Variants in RANBP17 observed in about 807,000 individuals in gnomAD.
RANBP17 encodes the protein RAN binding protein 17, also known as ran-binding protein 17.
A neutral mutation model predicts 141.2 loss-of-function variants in RANBP17; 158 were observed. That is an observed-to-expected ratio of 1.12 (90% CI 0.98 to 1.28). The LOEUF (loss-of-function observed/expected upper bound fraction) is 1.28, where lower values mean the gene tolerates loss of function less well. RANBP17 is among the 50% of genes most tolerant of loss of function. The pLI, the probability that RANBP17 is intolerant of heterozygous loss-of-function variation, is 0.00. For synonymous variants in RANBP17, 430 were observed against 450.0 expected (o/e 0.96, Z 0.56); for missense variants, 1,438 against 1,290.7 (o/e 1.11, Z -1.75).
intron 25 of RANBP17, among the ~76,000 whole-genome samples, chr5:171,281,620 CAGTG>C (rs1488310854): frequency 2.0e-5 from 3 of 152,176 alleles, no homozygotes; most frequent in Admixed American, 6.5e-5. Flanking sequence ...ATTCCTTGAG[CAGTG>C]AGTAAGTGTG....
intron 25 of RANBP17, among the ~76,000 whole-genome samples, chr5:171,280,911 A>G (rs1234398084): frequency 6.6e-6 from 1 of 152,238 alleles, no homozygotes; most frequent in East Asian, 1.9e-4. Flanking sequence ...ATCAGGGCAG[A>G]CAGGTTTTAC....
intron 14 of RANBP17, among the ~76,000 whole-genome samples, chr5:171,107,923 C>A (rs1000730011): frequency 6.6e-6 from 1 of 152,166 alleles, no homozygotes; most frequent in Admixed American, 6.5e-5. Context: ...CGTACATCTT[C>A]ATTAGGAAGG....
intron 14 of RANBP17, among the ~76,000 whole-genome samples, chr5:171,089,306 G>C (rs10073817): frequency 9.2e-6 from 1 of 108,358 alleles, no homozygotes; most frequent in Non-Finnish European, 2.1e-5. Context: ...TGAGGAGGCA[G>C]TCTGCCCGTT....
chr5:170,883,699 A>G (rs1418542268), intron 3 of RANBP17, among the ~76,000 whole-genome samples: 7 of 152,194 alleles, frequency 4.6e-5, no homozygotes, highest in African/African-American at 1.4e-4. Context: ...TGAGGTATCA[A>G]TCATACATGT....
intron 14 of RANBP17, among the ~76,000 whole-genome samples, chr5:171,002,876 G>T (rs1294495107): frequency 7.2e-5 from 11 of 152,154 alleles, no homozygotes; most frequent in Admixed American, 7.2e-4. Context: ...TGTGGTTTCG[G>T]GAATAATGTG....
intron 14 of RANBP17, among the ~76,000 whole-genome samples, chr5:171,036,038 G>A (rs540750050): frequency 9.2e-5 from 14 of 152,166 alleles, no homozygotes; most frequent in African/African-American, 3.4e-4. Context: ...GACTGTAGGT[G>A]TGTTCTTCCA....
rs572141155 is a variant in RANBP17, at chr5:170,862,058, G to A, written c.18+7G>A. 948 of 1,460,512 alleles carry A rather than the reference G, an allele frequency of 6.5e-4. 23 individuals are homozygous for A. The Admixed American group carries it at 0.021, about 32-fold the overall frequency. 90.5% of individuals were successfully genotyped at this position (1,460,512 alleles called of 1,614,324 possible). On this transcript the variant is annotated splice_region_variant and intron_variant, in intron 1 of 27. Transcript: ENST00000523189. Reference sequence around the variant, plus strand: ...GATGGCGCTGCACTTCCAGGTCAGTGTGCTCTGCGCCGCGGGCCCGCGCTC... The same window carrying A: ...GATGGCGCTGCACTTCCAGGTCAGTATGCTCTGCGCCGCGGGCCCGCGCTC...
intron 14 of RANBP17, among the ~76,000 whole-genome samples, chr5:171,118,150 T>A (rs1755775983): frequency 6.6e-6 from 1 of 152,198 alleles, no homozygotes; most frequent in Non-Finnish European, 1.5e-5. Flanking sequence ...CTTTGATCTA[T>A]TTTGAGTTGA....
At chr5:170,970,973 A>C (rs1393023753) in intron 14 of RANBP17, among the ~76,000 whole-genome samples, 1 of 152,156 alleles carries the variant, frequency 6.6e-6, no homozygotes, top group Admixed American at 6.5e-5. Flanking sequence ...GTATGCTTTC[A>C]ACTTACTGTT....
At chr5:171,147,159 C>G (rs1758077806) in intron 14 of RANBP17, among the ~76,000 whole-genome samples, 1 of 151,784 alleles carries the variant, frequency 6.6e-6, no homozygotes, top group South Asian at 2.1e-4. Flanking sequence ...CAAGACAGCC[C>G]CACAACAAAG....
chr5:170,968,448 A>T, intron 14 of RANBP17, 71 bp downstream of exon 14: 1 of 1,382,194 alleles, frequency 7.2e-7, no homozygotes. Flanking sequence ...TAACTGAATG[A>T]TATATTTGGG....
intron 11 of RANBP17, among the ~76,000 whole-genome samples, chr5:170,920,639 G>A (rs1046726141): frequency 2.0e-5 from 3 of 151,228 alleles, no homozygotes; most frequent in Non-Finnish European, 2.9e-5. Context: ...TATACTTTAA[G>A]TTCTAGGGTA....
At chr5:171,176,082 C>A (rs553193448) in intron 16 of RANBP17, among the ~76,000 whole-genome samples, 1 of 152,218 alleles carries the variant, frequency 6.6e-6, no homozygotes, top group East Asian at 1.9e-4. Context: ...AGAAATAATT[C>A]CTTCCATTTG....
chr5:170,938,109 G>A (rs912317945), intron 12 of RANBP17, among the ~76,000 whole-genome samples: 35 of 152,048 alleles, frequency 2.3e-4, no homozygotes, highest in Admixed American at 6.6e-5. Context: ...AACTTTAATC[G>A]GGGTGGGACG....
intron 14 of RANBP17, among the ~76,000 whole-genome samples, chr5:171,004,603 C>G (rs764755723): frequency 2.6e-5 from 4 of 152,164 alleles, no homozygotes; most frequent in African/African-American, 9.6e-5. Flanking sequence ...TGAAGCTCAG[C>G]ATCCATGATA....
intron 14 of RANBP17, among the ~76,000 whole-genome samples, 190 bp from the exon 15 acceptor site, chr5:171,169,940 T>C (rs1330635002): frequency 6.6e-6 from 1 of 152,076 alleles, no homozygotes; most frequent in Admixed American, 6.6e-5. Flanking sequence ...ATAGGAGCGA[T>C]CTGGAGGAAA....
intron 13 of RANBP17, among the ~76,000 whole-genome samples, chr5:170,957,892 A>G (rs1305189645): frequency 6.6e-6 from 1 of 152,212 alleles, no homozygotes; most frequent in Admixed American, 6.5e-5. Flanking sequence ...ATTGCAATCC[A>G]TTGACCAAAA....
chr5:170,862,606 G>C (rs949031507), intron 1 of RANBP17, among the ~76,000 whole-genome samples: 5 of 152,188 alleles, frequency 3.3e-5, no homozygotes, highest in African/African-American at 7.2e-5. Context: ...CTGCGTCTGG[G>C]GGGAGTTGCG....
At chr5:171,205,395 A>T (rs1581019715) in intron 19 of RANBP17, 129 bp from the exon 20 acceptor site, 1 of 686,360 alleles carries the variant, frequency 1.5e-6, no homozygotes, top group East Asian at 2.7e-5. Flanking sequence ...TTTCTGTAGA[A>T]AGAGGTCTGA....
Sources: allele counts gnomAD v4.1 joint callset (sites outside exome capture counted in the v4.1 genomes callset), GRCh38; gene constraint gnomAD v4.1.1; transcripts MANE v1.5; gene names NCBI Gene and HGNC (gene_info 2026-07-23, HGNC 2026-07-21).